Variants in CFAP69 observed in about 807,000 individuals in gnomAD.
CFAP69 encodes the protein cilia and flagella associated protein 69.
CFAP69 carries 92 observed loss-of-function variants against 123.0 expected under a neutral mutation model. That is an observed-to-expected ratio of 0.75 (90% CI 0.63 to 0.89). CFAP69 has a LOEUF of 0.89. Among genes scored for constraint, CFAP69 ranks in the 40% least tolerant of loss-of-function variants. The probability of loss-of-function intolerance (pLI) is 0.00; values close to 1 mark genes in which losing one functional copy is unlikely to be tolerated. For synonymous variants in CFAP69, 380 were observed against 364.3 expected (o/e 1.04, Z -0.49); for missense variants, 1,067 against 1,096.9 (o/e 0.97, Z 0.39).
At chr7:90,305,486 A>G (rs1475820939) in intron 19 of CFAP69, among the ~76,000 whole-genome samples, 4 of 150,298 alleles carry the variant, frequency 2.7e-5, no homozygotes, top group Non-Finnish European at 5.9e-5. Flanking sequence ...TCTGCCTCCC[A>G]GGTTCAAGTG....
At chr7:90,268,755 C>T (rs1799523497) in intron 6 of CFAP69, among the ~76,000 whole-genome samples, 1 of 151,892 alleles carries the variant, frequency 6.6e-6, no homozygotes, top group African/African-American at 2.4e-5. Flanking sequence ...CTACCAATGC[C>T]AGGGCCATTC....
At chr7:90,280,357 G>A (rs1014776931) in intron 12 of CFAP69, among the ~76,000 whole-genome samples, 1 of 152,042 alleles carries the variant, frequency 6.6e-6, no homozygotes, top group South Asian at 2.1e-4. Context: ...GCCACCACAC[G>A]AAGCTAATTT....
chr7:90,266,237 ATAGTTTT>A (rs1799145189), intron 5 of CFAP69: 1 of 152,112 alleles, frequency 6.6e-6, no homozygotes, highest in Non-Finnish European at 1.5e-5. Flanking sequence ...AGTAGGTTTT[ATAGTTTT>A]TAGTTACTTT....
chr7:90,310,185 A>C lies in CFAP69; in HGVS notation c.2773A>C (p.Arg925=). ...GCCCATTCGAGGAGGAGCCTTGCAG[A>C]GGGTGAAAGCAGTTAAAATTGTGGA... ...KLPIRGGALQ[R]VKAVKIVDAP... Residue 925 remains arginine (R), a synonymous_variant, in exon 23 of 23, where the codon AGG becomes CGG. Transcript: ENST00000389297. 1 of 1,613,942 alleles carries C rather than the reference A, an allele frequency of 6.2e-7. No individual in the cohort carries two copies. Among genetic ancestry groups the C allele is most frequent in the South Asian group, 1.1e-5 (1 of 91,076 alleles).
At chr7:90,250,253 G>A (rs1298100814) in intron 1 of CFAP69, among the ~76,000 whole-genome samples, 2 of 140,662 alleles carry the variant, frequency 1.4e-5, no homozygotes. Flanking sequence ...GTTGTCCATT[G>A]AGGAGTCAGG....
intron 16 of CFAP69, among the ~76,000 whole-genome samples, chr7:90,298,617 A>C (rs1165744078): frequency 1.3e-5 from 2 of 152,250 alleles, no homozygotes; most frequent in East Asian, 3.9e-4. Context: ...AAGTTAGTTC[A>C]TTTCTCTCTT....
intron 13 of CFAP69, 60 bp from the exon 14 acceptor site, chr7:90,286,221 A>C: frequency 3.7e-6 from 5 of 1,364,664 alleles, no homozygotes; most frequent in Non-Finnish European, 5.0e-6. Context: ...CCAAACAGTA[A>C]TTGATCAAAA....
intron 20 of CFAP69, among the ~76,000 whole-genome samples, chr7:90,307,335 C>T (rs745769901): frequency 6.6e-6 from 1 of 152,136 alleles, no homozygotes; most frequent in Non-Finnish European, 1.5e-5. Flanking sequence ...ACATTGTATG[C>T]ACATATCAAA....
At position 90,268,379 on chromosome 7, in the gene CFAP69, T is replaced by C. The variant is rs767718862; in HGVS notation, c.527T>C (p.Ile176Thr). 1.2e-6 allele frequency: 2 copies of C among 1,605,578 alleles called. No individual in the cohort carries two copies. The highest frequency in any genetic ancestry group is 1.7e-6 in the Non-Finnish European group (2 of 1,174,398). The change falls in exon 6 of 23, where the codon ATT becomes ACT. Residue 176 changes from isoleucine (I) to threonine (T), a missense_variant. Physicochemically the swap from Ile to Thr is moderately conservative, Grantham distance 89 (BLOSUM62 -1). Transcript: ENST00000389297. ...CATGCAGAACCACCAAAGAAGCATA[T>C]TCCAGGTGAAGTTTACAATGGTCTT... ...FYHAEPPKKH[I>T]PGYQQASSSY...
At chr7:90,289,280 G>A (rs1486743101) in intron 15 of CFAP69, among the ~76,000 whole-genome samples, 4 of 152,084 alleles carry the variant, frequency 2.6e-5, no homozygotes, top group African/African-American at 9.7e-5. Context: ...TCCCAGTAGT[G>A]TGGAGGTTTC....
Position 90,260,106 on chromosome 7 carries a change from T to C in CFAP69, c.247-1841T>C, listed in dbSNP as rs1798126336. On this transcript the variant is annotated intron_variant, in intron 3 of 22. Coordinates refer to ENST00000389297, the MANE Select transcript of CFAP69 (RefSeq NM_001039706.3). ...TGATAATTTTTTTTAGTTCATCAGC[T>C]ATCATTAGTGTTTGAGTATTTTATG... is the stretch of plus-strand genomic sequence containing the variant. Among the ~76,000 whole-genome samples, 3 of 152,186 alleles carry C rather than the reference T, an allele frequency of 2.0e-5. No homozygotes were observed. In the South Asian group the frequency reaches 6.2e-4, roughly 31 times the overall value.
intron 4 of CFAP69, among the ~76,000 whole-genome samples, chr7:90,264,104 A>ATAT (rs1316608213): frequency 1.8e-4 from 9 of 48,864 alleles, no homozygotes; most frequent in South Asian, 1.6e-3. Flanking sequence ...AAAAAAAAAA[A>ATAT]ATATATATAT....
chr7:90,313,054 C>G (rs1794462608), downstream of CFAP69, among the ~76,000 whole-genome samples: 1 of 152,200 alleles, frequency 6.6e-6, no homozygotes, highest in African/African-American at 2.4e-5. Flanking sequence ...CTGGCATCAT[C>G]AGTCTGCCTT....
chr7:90,245,343 C>T lies in CFAP69; in HGVS notation c.-82C>T. ...TCAGGCTGCCTTCCCTTCTCGGTGGCGGGGCCTCTTTGGGCCCAGCGGCTG... is the reference window on the plus strand; with the variant it reads ...TCAGGCTGCCTTCCCTTCTCGGTGGTGGGGCCTCTTTGGGCCCAGCGGCTG... On this transcript the variant is annotated 5_prime_UTR_variant, in exon 1 of 23. Coordinates refer to ENST00000389297, the MANE Select transcript of CFAP69 (RefSeq NM_001039706.3). 7.0e-7 allele frequency: 1 copy of T among 1,429,984 alleles called. No individual in the cohort carries two copies. Among genetic ancestry groups the T allele is most frequent in the South Asian group, 1.6e-5 (1 of 64,118 alleles). 88.6% of individuals were successfully genotyped at this position (1,429,984 alleles called of 1,614,324 possible). A position where few individuals can be genotyped will look rare whatever the true frequency, so the allele number is the denominator to read the frequency against.
intron 6 of CFAP69, among the ~76,000 whole-genome samples, chr7:90,269,360 T>C (rs570365539): frequency 5.9e-4 from 89 of 152,124 alleles, no homozygotes; most frequent in Middle Eastern, 3.4e-3. Context: ...ATAAAACATA[T>C]AAGCAGCAAG....
chr7:90,299,725 G>T (rs2117329451), intron 16 of CFAP69, 142 bp from the exon 17 acceptor site: 1 of 614,258 alleles, frequency 1.6e-6, no homozygotes. Flanking sequence ...TACAATGGGT[G>T]TCCATTTTAA....
At chr7:90,247,465 C>T (rs1796465913) in intron 1 of CFAP69, among the ~76,000 whole-genome samples, 1 of 152,176 alleles carries the variant, frequency 6.6e-6, no homozygotes, top group Non-Finnish European at 1.5e-5. Context: ...TCATCACTTA[C>T]CAGCTATGTG....
chr7:90,271,455 T>C, intron 6 of CFAP69, 71 bp from the exon 7 acceptor site: 2 of 1,443,558 alleles, frequency 1.4e-6, no homozygotes, highest in South Asian at 2.7e-5. Context: ...TAATAATAAA[T>C]TACTCATTCT....
At chr7:90,267,760 C>T (rs1412473319) in intron 5 of CFAP69, among the ~76,000 whole-genome samples, 3 of 152,146 alleles carry the variant, frequency 2.0e-5, no homozygotes, top group African/African-American at 7.2e-5. Flanking sequence ...ATTACTGACC[C>T]TCTAGTTAGG....
Sources: gnomAD v4.1 joint callset for allele counts (sites outside exome capture counted in the v4.1 genomes callset) on GRCh38, gnomAD v4.1.1 for gene constraint, MANE v1.5 for transcripts, NCBI Gene and HGNC (gene_info 2026-07-23, HGNC 2026-07-21) for gene names.